HCRTR2: variants seen among roughly 807,000 people sequenced by gnomAD.
The protein encoded by HCRTR2 is orexin receptor type 2.
In HCRTR2, 22 loss-of-function variants were observed where a neutral mutation model predicts 49.0. The observed-to-expected ratio is 0.45, with a 90% confidence interval of 0.32 to 0.64. The LOEUF (loss-of-function observed/expected upper bound fraction) is 0.64, where lower values mean the gene tolerates loss of function less well. Among genes scored for constraint, HCRTR2 ranks in the 30% least tolerant of loss-of-function variants. The pLI is 0.04. For synonymous variants in HCRTR2, 236 were observed against 205.3 expected, an observed-to-expected ratio of 1.15 and a Z score of -1.28; for missense variants, 491 against 559.4, an observed-to-expected ratio of 0.88 and a Z score of 1.23.
At chr6:55,217,602 G>C (rs545629852) in intron 1 of HCRTR2, among the ~76,000 whole-genome samples, 1 of 152,172 alleles carries the variant, frequency 6.6e-6, no homozygotes, top group African/African-American at 2.4e-5. Context: ...CTTTATTCCA[G>C]GTTCTGATAC....
At chr6:55,250,143 A>G (rs1766521145) in intron 2 of HCRTR2, among the ~76,000 whole-genome samples, 2 of 152,152 alleles carry the variant, frequency 1.3e-5, no homozygotes. Flanking sequence ...TATAGAAGTT[A>G]TAAGCTCCAT....
chr6:55,220,136 A>G (rs1342349163), intron 1 of HCRTR2, among the ~76,000 whole-genome samples: 3 of 152,158 alleles, frequency 2.0e-5, no homozygotes, highest in African/African-American at 7.2e-5. Flanking sequence ...AAAAATGCCA[A>G]TTCTTCTCAA....
At chr6:55,237,482 C>G (rs1056458254) in intron 1 of HCRTR2, among the ~76,000 whole-genome samples, 5 of 152,158 alleles carry the variant, frequency 3.3e-5, no homozygotes, top group Non-Finnish European at 1.5e-5. Context: ...GCCTTGAACT[C>G]CAATTATCAT....
chr6:55,238,720 T>C (rs1766262251), intron 1 of HCRTR2, among the ~76,000 whole-genome samples: 1 of 148,950 alleles, frequency 6.7e-6, no homozygotes, highest in South Asian at 2.2e-4. Flanking sequence ...AATTATAATA[T>C]TGGGTTGGTC....
intron 3 of HCRTR2, among the ~76,000 whole-genome samples, chr6:55,262,476 A>ATAATATAT (rs923192919): frequency 7.5e-6 from 1 of 132,966 alleles, no homozygotes; most frequent in African/African-American, 2.8e-5. Context: ...ATCTAAATAT[A>ATAATATAT]TAATATATAA....
chr6:55,196,984 A>G (rs1418764103), intron 1 of HCRTR2, among the ~76,000 whole-genome samples: 1 of 152,028 alleles, frequency 6.6e-6, no homozygotes, highest in Non-Finnish European at 1.5e-5. Flanking sequence ...ACTAAACCCA[A>G]TCTTATCTAC....
rs578099977 is a variant in HCRTR2 at position 55,222,345 on chromosome 6, A to G, written c.224-26294A>G. 1.2e-4 allele frequency among the ~76,000 whole-genome samples: 18 copies of G among 152,174 alleles called. No homozygotes were observed. In the South Asian group the frequency reaches 3.5e-3, roughly 30 times the overall value. ...GTTGAAAGGGATGTGGAGAAACTAG[A>G]ACCTTTGTACAGCCACTGTGAAAAA... On this transcript the variant is annotated intron_variant, in intron 1 of 6. Transcript: ENST00000370862.
At chr6:55,125,573 A>C (rs1050539201) in intron 1 of HCRTR2, among the ~76,000 whole-genome samples, 1 of 152,124 alleles carries the variant, frequency 6.6e-6, no homozygotes, top group African/African-American at 2.4e-5. Context: ...ACCTTGGTGA[A>C]TATGATGATT....
intron 3 of HCRTR2, among the ~76,000 whole-genome samples, chr6:55,262,918 A>G (rs1309501876): frequency 6.6e-6 from 1 of 151,220 alleles, no homozygotes; most frequent in Non-Finnish European, 1.5e-5. Flanking sequence ...ATTTGTGTAC[A>G]TAGGATTAAT....
chr6:55,182,226 C>A (rs538124501), intron 1 of HCRTR2, among the ~76,000 whole-genome samples: 1 of 152,162 alleles, frequency 6.6e-6, no homozygotes, highest in Non-Finnish European at 1.5e-5. Flanking sequence ...TTCCAATGAC[C>A]GCCCCCGGGC....
chr6:55,237,161 A>C (rs774435174), intron 1 of HCRTR2, among the ~76,000 whole-genome samples: 2 of 151,788 alleles, frequency 1.3e-5, no homozygotes, highest in Non-Finnish European at 2.9e-5. Context: ...TCTATTTTTT[A>C]TATTCTTTAT....
At chr6:55,162,718 T>C (rs959434284) in intron 1 of HCRTR2, among the ~76,000 whole-genome samples, 7 of 152,062 alleles carry the variant, frequency 4.6e-5, no homozygotes, top group Non-Finnish European at 1.5e-5. Flanking sequence ...AGCCAAATCA[T>C]GAGTGAACTC....
intron 1 of HCRTR2, among the ~76,000 whole-genome samples, chr6:55,114,112 T>C (rs1461327353): frequency 1.3e-5 from 2 of 151,702 alleles, no homozygotes; most frequent in South Asian, 2.1e-4. Flanking sequence ...CAATGGACTT[T>C]AGGAACTTTG....
chr6:55,146,813 G>A (rs1764586453), intron 1 of HCRTR2, among the ~76,000 whole-genome samples: 1 of 152,108 alleles, frequency 6.6e-6, no homozygotes, highest in Admixed American at 6.5e-5. Flanking sequence ...GGCCCATGAT[G>A]TTTCTGCTTA....
At chr6:55,233,207 G>T (rs999257127) in intron 1 of HCRTR2, among the ~76,000 whole-genome samples, 1 of 151,846 alleles carries the variant, frequency 6.6e-6, no homozygotes. Context: ...TCCTGCCTCG[G>T]CATCCCGAGT....
intron 1 of HCRTR2, among the ~76,000 whole-genome samples, chr6:55,233,281 G>C (rs753959092): frequency 1.3e-5 from 2 of 151,944 alleles, no homozygotes; most frequent in African/African-American, 4.8e-5. Context: ...AGTAAACATG[G>C]GGTTTTACCA....
At chr6:55,139,860 C>T (rs1425394304) in intron 1 of HCRTR2, among the ~76,000 whole-genome samples, 1 of 152,100 alleles carries the variant, frequency 6.6e-6, no homozygotes, top group Non-Finnish European at 1.5e-5. Flanking sequence ...CAGAAGATGA[C>T]CATTTGAGAT....
At chr6:55,254,612 A>T (rs143362912) in intron 2 of HCRTR2, among the ~76,000 whole-genome samples, 127 of 152,262 alleles carry the variant, frequency 8.3e-4, no homozygotes, top group African/African-American at 2.9e-3. Flanking sequence ...ATGTACAAAT[A>T]GCCCTTATTA....
intron 1 of HCRTR2, among the ~76,000 whole-genome samples, chr6:55,161,700 G>A (rs146320771): frequency 0.012 from 1,898 of 152,030 alleles, 38 homozygotes; most frequent in African/African-American, 0.042. Flanking sequence ...GAATACTATA[G>A]ACACCTCTAT....
Sources: allele counts gnomAD v4.1 joint callset (sites outside exome capture counted in the v4.1 genomes callset), GRCh38; gene constraint gnomAD v4.1.1; transcripts MANE v1.5; gene names NCBI Gene and HGNC (gene_info 2026-07-23, HGNC 2026-07-21).